Variants in GTF3C5 observed in about 807,000 individuals in gnomAD.
GTF3C5 encodes general transcription factor 3C polypeptide 5.
GTF3C5 carries 47 observed loss-of-function variants against 61.0 expected under a neutral mutation model. The ratio of observed to expected loss-of-function variants is 0.77; its 90% CI spans 0.61 to 0.98. The LOEUF (loss-of-function observed/expected upper bound fraction) is 0.98. GTF3C5 is among the 50% of genes least tolerant of loss of function. GTF3C5 has a pLI of 0.00. For missense variants in GTF3C5, 659 were observed against 703.3 expected (o/e 0.94, Z 0.71); for synonymous variants, 295 against 275.4 (o/e 1.07, Z -0.71).
chr9:133,054,433 C>T lies in GTF3C5; in HGVS notation c.1014C>T (p.Val338=). Residue 338 remains valine (V), a synonymous_variant, in exon 7 of 11, where the codon GTC becomes GTT. Transcript: ENST00000372097. ...KHGYAPSDLP[V]KAKRSTYNYS... ...GTTACGCCCCCAGTGACTTGCCGGT[C>T]AAAGCAAAGCGCAGCACCTACAACT... The T allele has an allele frequency of 6.2e-7, 1 of 1,614,140 alleles. No individual in the cohort carries two copies. The highest frequency in any genetic ancestry group is 8.5e-7 in the Non-Finnish European group (1 of 1,180,038).
chr9:133,042,026 G>A, intron 1 of GTF3C5, 61 bp from the exon 2 acceptor site: 2 of 1,155,542 alleles, frequency 1.7e-6, no homozygotes, highest in Non-Finnish European at 1.3e-6. Context: ...GAGAGGAGCA[G>A]CTCCCCACTG....
rs1393230196 is a variant in GTF3C5, at chr9:133,058,334, C to T, written c.*354C>T. 4 of 239,538 alleles carry T rather than the reference C, an allele frequency of 1.7e-5. No individual in the cohort carries two copies. The highest frequency in any genetic ancestry group is 3.1e-5 in the Non-Finnish European group (4 of 128,048). 14.8% of individuals were successfully genotyped at this position (239,538 alleles called of 1,614,324 possible). A position where few individuals can be genotyped will look rare whatever the true frequency, so the allele number is the denominator to read the frequency against. Reference sequence around the variant, plus strand: ...AGCTGTGGAGCCCCAGGCCACAGGCCAGTCTCGCTTGGCTCTCATGACTGT... The same window carrying T: ...AGCTGTGGAGCCCCAGGCCACAGGCTAGTCTCGCTTGGCTCTCATGACTGT... On this transcript the variant is annotated 3_prime_UTR_variant, in exon 11 of 11. Coordinates refer to ENST00000372097, the MANE Select transcript of GTF3C5 (RefSeq NM_012087.4).
At chr9:133,054,911 C>A (rs1187039600) in intron 8 of GTF3C5, 102 bp downstream of exon 8, 2 of 1,543,418 alleles carry the variant, frequency 1.3e-6, no homozygotes, top group African/African-American at 1.4e-5. Context: ...GCAGCTCTGC[C>A]CACCGGGGCC....
intron 7 of GTF3C5, 91 bp from the exon 8 acceptor site, chr9:133,054,621 G>T (rs1215292207): frequency 3.5e-6 from 5 of 1,413,700 alleles, no homozygotes; most frequent in African/African-American, 1.4e-5. Context: ...CTAGGAGGGG[G>T]TGGGCTGGCA....
At chr9:133,036,861 G>A (rs1346102576) in intron 1 of GTF3C5, among the ~76,000 whole-genome samples, 1 of 152,152 alleles carries the variant, frequency 6.6e-6, no homozygotes, top group Non-Finnish European at 1.5e-5. Context: ...TTCGTATCAA[G>A]TGTCCTAGGT....
intron 8 of GTF3C5, 73 bp downstream of exon 8, chr9:133,054,882 C>G: frequency 6.5e-7 from 1 of 1,537,402 alleles, no homozygotes; most frequent in Non-Finnish European, 8.8e-7. Context: ...TGGGTGACAC[C>G]TGGGGGGCTG....
intron 8 of GTF3C5, chr9:133,055,640 G>C (rs1829916633): frequency 1.0e-6 from 1 of 985,318 alleles, no homozygotes; most frequent in African/African-American, 1.7e-5. Context: ...GGGGGACATA[G>C]GGTGACAAAT....
intron 1 of GTF3C5, among the ~76,000 whole-genome samples, chr9:133,035,216 A>G (rs7849938): frequency 0.021 from 3,257 of 152,290 alleles, 150 homozygotes; most frequent in African/African-American, 0.075. Context: ...TTACATTATT[A>G]GCAGTTGCAC....
Position 133,042,101 on chromosome 9 carries a change from C to T in GTF3C5, c.168C>T (p.Pro56=), listed in dbSNP as rs141746938. ...EEGVSRIYAD[P]TKRLELYFRP... is the part of the protein sequence containing the mutation. Reference sequence around the variant, plus strand: ...CCTTGCCACAGATCTACGCAGACCCCACCAAGAGGCTGGAGCTGTACTTCC... The same window carrying T: ...CCTTGCCACAGATCTACGCAGACCCTACCAAGAGGCTGGAGCTGTACTTCC... The change falls in exon 2 of 11, where the codon CCC becomes CCT. Residue 56 remains proline, a synonymous_variant. Coordinates refer to ENST00000372097, the MANE Select transcript of GTF3C5 (RefSeq NM_012087.4). 21 of 1,613,422 alleles carry T rather than the reference C, an allele frequency of 1.3e-5. No homozygotes were observed. In the African/African-American group the frequency reaches 2.7e-4, roughly 21 times the overall value.
At chr9:133,053,219 A>ACC (rs1850438927) in intron 5 of GTF3C5, among the ~76,000 whole-genome samples, 1 of 152,160 alleles carries the variant, frequency 6.6e-6, no homozygotes, top group African/African-American at 2.4e-5. Flanking sequence ...GCCAGTAGTA[A>ACC]CATTGGGCAC....
chr9:133,042,437 C>T (rs1419903992), intron 2 of GTF3C5, 131 bp downstream of exon 2: 1 of 666,042 alleles, frequency 1.5e-6, no homozygotes, highest in East Asian at 2.7e-5. Context: ...GGGGACACAG[C>T]AGGGCACAGG....
intron 8 of GTF3C5, chr9:133,055,137 G>A (rs1829893946): frequency 6.5e-7 from 1 of 1,547,834 alleles, no homozygotes; most frequent in Non-Finnish European, 8.7e-7. Flanking sequence ...GGAATGATCG[G>A]AATTGGGCAC....
chr9:133,050,865 G>T lies in GTF3C5; in HGVS notation c.655G>T (p.Val219Phe). 2 of 1,612,924 alleles carry T rather than the reference G, an allele frequency of 1.2e-6. No homozygotes were observed. Among genetic ancestry groups the T allele is most frequent in the South Asian group, 2.2e-5 (2 of 90,882 alleles). ...RARRPHNAIF[V>F]NFEDEEVPKQ... Reference sequence around the variant, plus strand: ...CCGGCGCCCCCACAATGCCATCTTTGTCAACTTTGAGGATGAGGAGGTGCC... The same window carrying T: ...CCGGCGCCCCCACAATGCCATCTTTTTCAACTTTGAGGATGAGGAGGTGCC... The change falls in exon 4 of 11, where the codon GTC becomes TTC. Residue 219 changes from valine (V) to phenylalanine (F), a missense_variant. Val to Phe is a conservative substitution (Grantham distance 50). Transcript: ENST00000372097.
intron 2 of GTF3C5, among the ~76,000 whole-genome samples, chr9:133,043,129 T>G (rs1850087024): frequency 6.6e-6 from 1 of 152,096 alleles, no homozygotes; most frequent in African/African-American, 2.4e-5. Context: ...GAAAGTGAAA[T>G]GAAGGAGAAG....
At chr9:133,045,521 G>T (rs533378672) in intron 3 of GTF3C5, among the ~76,000 whole-genome samples, 73 of 152,272 alleles carry the variant, frequency 4.8e-4, no homozygotes, top group Non-Finnish European at 1.0e-3. Flanking sequence ...TCATAGCCCC[G>T]GTGCCCAGAA....
In GTF3C5 at chr9:133,043,922, C is replaced by T. The variant is rs748650772; in HGVS notation, c.568C>T (p.His190Tyr). The T allele has an allele frequency of 6.2e-7, 1 of 1,612,260 alleles. No individual in the cohort carries two copies. Among genetic ancestry groups the T allele is most frequent in the Admixed American group, 1.7e-5 (1 of 60,012 alleles). The part of the protein sequence containing the change: ...VDYFYRPETQ[H>Y]REGYNNPPIS... ...CTACTTCTACCGACCAGAGACCCAG[C>T]ACCGGTAAGGCCCCCCTCCATGCAG... The change falls in exon 3 of 11, where the codon CAC (histidine) becomes TAC (tyrosine). Residue 190 changes from histidine to tyrosine, a missense_variant. Physicochemically the swap from His to Tyr is moderately conservative, Grantham distance 83. Coordinates refer to ENST00000372097, the MANE Select transcript of GTF3C5 (RefSeq NM_012087.4).
chr9:133,039,735 C>T (rs1223439428), intron 1 of GTF3C5, among the ~76,000 whole-genome samples: 1 of 152,204 alleles, frequency 6.6e-6, no homozygotes, highest in Non-Finnish European at 1.5e-5. Flanking sequence ...TGGCCCAGTT[C>T]TCTGTTCCTA....
At chr9:133,035,965 C>T (rs943282253) in intron 1 of GTF3C5, among the ~76,000 whole-genome samples, 2 of 152,210 alleles carry the variant, frequency 1.3e-5, no homozygotes, top group African/African-American at 4.8e-5. Context: ...ATAGTTCCTT[C>T]TTGGTTTTGC....
At chr9:133,052,215 C>T (rs1425086803) in intron 5 of GTF3C5, 51 bp downstream of exon 5, 2 of 962,486 alleles carry the variant, frequency 2.1e-6, no homozygotes, top group East Asian at 2.5e-5. Flanking sequence ...CATGTGGTCC[C>T]TGGTCCCTGC....
Sources: allele counts gnomAD v4.1 joint callset (sites outside exome capture counted in the v4.1 genomes callset), GRCh38; gene constraint gnomAD v4.1.1; transcripts MANE v1.5; gene names NCBI Gene and HGNC (gene_info 2026-07-23, HGNC 2026-07-21).